TEX19: variants seen among roughly 807,000 people sequenced by gnomAD.
TEX19 encodes the protein testis expressed 19.
For missense variants in TEX19, 184 were observed against 194.4 expected (o/e 0.95, Z 0.32); for synonymous variants, 77 against 73.9 (o/e 1.04, Z -0.21).
At position 82,359,907 on chromosome 17, in the gene TEX19, GTTCCCCCAGT is replaced by G. The variant is rs1256586221; in HGVS notation, c.-272+628_-272+637del. On this transcript the variant is annotated intron_variant, in intron 1 of 1. Transcript: ENST00000333437. ...CTCGGGTTCCCCCAGTTTCCCTCAG[GTTCCCCCAGT>G]TTCCCTCAGTTTCCCTCAAGTTTCC... 8.9e-3 allele frequency among the ~76,000 whole-genome samples: 766 copies of G among 85,782 alleles called. 12 individuals carry two copies. The highest frequency in any genetic ancestry group is 0.03 in the African/African-American group (606 of 20,266). 56.3% of individuals were successfully genotyped at this position (85,782 alleles called of 152,430 possible).
intron 1 of TEX19, among the ~76,000 whole-genome samples, chr17:82,360,161 G>C (rs868050233): frequency 3.4e-5 from 1 of 29,464 alleles, no homozygotes; most frequent in African/African-American, 1.4e-4. Flanking sequence ...TTTCCCTCAG[G>C]TTCCCTCAGT....
chr17:82,362,426 G>C lies in TEX19; in HGVS notation c.276G>C (p.Gln92His). The C allele has an allele frequency of 6.2e-7, 1 of 1,612,910 alleles. No individual in the cohort carries two copies. ...SWGQSPGQPV[Q>H]GGSEAWGPGT... ...GGCAGAGCCCAGGACAGCCTGTGCAGGGGGGCTCTGAGGCATGGGGGCCAG... is the reference window on the plus strand; with the variant it reads ...GGCAGAGCCCAGGACAGCCTGTGCACGGGGGCTCTGAGGCATGGGGGCCAG... The change falls in exon 2 of 2, where the codon CAG becomes CAC. Residue 92 changes from glutamine (Q) to histidine (H), a missense_variant. Physicochemically the swap from Gln to His is conservative, Grantham distance 24. Transcript: ENST00000333437. The surrounding 1 kb of genome is among the most constrained non-coding windows in gnomAD (Gnocchi z 5.5).
chr17:82,360,127 C>G, intron 1 of TEX19, among the ~76,000 whole-genome samples: 1 of 71,820 alleles, frequency 1.4e-5, no homozygotes, highest in Non-Finnish European at 2.8e-5. Flanking sequence ...CAGTTTCCCT[C>G]AAGTTTCCCT....
At position 82,362,065 on chromosome 17, in the gene TEX19, C is replaced by CCGCCCAGACG. The variant is rs2052399037; in HGVS notation, c.-85_-84insGCCCAGACGC. 6.6e-7 allele frequency: 1 copy of CCGCCCAGACG among 1,506,286 alleles called. No individual in the cohort carries two copies. The highest frequency in any genetic ancestry group is 1.4e-5 in the African/African-American group (1 of 72,138). The allele number at this position is 1,506,286 out of a possible 1,614,324, so 93.3% of individuals were successfully genotyped here. A position where few individuals can be genotyped will look rare whatever the true frequency, so the allele number is the denominator to read the frequency against. ...TCCCTGCCGCCCAGCATCCTACTGG[C>CCGCCCAGACG]CTCAGCACCTGTGGCCAGACCGTCC... On this transcript the variant is annotated 5_prime_UTR_variant, in exon 2 of 2. Transcript: ENST00000333437. This position sits in a 1 kb window ranked among gnomAD's most constrained non-coding sequence, Gnocchi z 5.5.
chr17:82,362,856 G>A lies in TEX19; in HGVS notation c.*211G>A. The stretch of plus-strand genomic sequence containing the variant: ...AGGGCAGCACTGGAAATTGCTGCTG[G>A]AGCCTGGTGAAGTGTGGGTGGTGAG... On this transcript the variant is annotated 3_prime_UTR_variant, in exon 2 of 2. Coordinates refer to ENST00000333437, the MANE Select transcript of TEX19 (RefSeq NM_207459.4). The surrounding 1 kb of genome is among the most constrained non-coding windows in gnomAD (Gnocchi z 5.5). The A allele has an allele frequency of 1.7e-6, 1 of 571,782 alleles. No homozygotes were observed. The highest frequency in any genetic ancestry group is 3.0e-6 in the Non-Finnish European group (1 of 337,628). 35.4% of individuals were successfully genotyped at this position (571,782 alleles called of 1,614,324 possible). A position where few individuals can be genotyped will look rare whatever the true frequency, so the allele number is the denominator to read the frequency against.
Position 82,363,025 on chromosome 17 carries a change from T to C in TEX19, c.*380T>C, listed in dbSNP as rs753985136. ...ATTCACCATAGTCTCTTATTCACCCTGGACCAACAGGGAGAGCAAGAAGGG... is the reference window on the plus strand; with the variant it reads ...ATTCACCATAGTCTCTTATTCACCCCGGACCAACAGGGAGAGCAAGAAGGG... On this transcript the variant is annotated 3_prime_UTR_variant, in exon 2 of 2. Coordinates refer to ENST00000333437, the MANE Select transcript of TEX19 (RefSeq NM_207459.4). The C allele has an allele frequency of 1.4e-4, 25 of 183,630 alleles. No homozygotes were observed. Among genetic ancestry groups the C allele is most frequent in the Non-Finnish European group, 2.6e-4 (21 of 79,278 alleles). 11.4% of individuals were successfully genotyped at this position (183,630 alleles called of 1,614,324 possible). A position where few individuals can be genotyped will look rare whatever the true frequency, so the allele number is the denominator to read the frequency against.
In TEX19 at chr17:82,362,553, G is replaced by A. The variant is rs200970555; in HGVS notation, c.403G>A (p.Gly135Ser). The A allele has an allele frequency of 6.8e-5, 109 of 1,611,898 alleles. No homozygotes were observed. Among genetic ancestry groups the A allele is most frequent in the Non-Finnish European group, 8.9e-5 (105 of 1,179,492 alleles). Residue 135 changes from glycine to serine, a missense_variant, in exon 2 of 2, where the codon GGC becomes AGC. Gly to Ser is a moderately conservative substitution (Grantham distance 56, BLOSUM62 0). Transcript: ENST00000333437. This position sits in a 1 kb window ranked among gnomAD's most constrained non-coding sequence, Gnocchi z 5.5. ...WPQEAVPLGL[G>S]LEDADWTQGL... ...TCAGGAGGCTGTGCCCCTGGGCCTG[G>A]GCCTTGAGGATGCTGACTGGACCCA...
chr17:82,359,856 G>T (rs1331384129), intron 1 of TEX19, among the ~76,000 whole-genome samples: 6 of 90,168 alleles, frequency 6.7e-5, no homozygotes, highest in Non-Finnish European at 8.6e-5. Flanking sequence ...TTCCCCTCAG[G>T]TTCCCCCAGT....
At chr17:82,360,679 C>T (rs2052380413) in intron 1 of TEX19, among the ~76,000 whole-genome samples, 1 of 138,114 alleles carries the variant, frequency 7.2e-6, no homozygotes, top group Admixed American at 7.1e-5. Flanking sequence ...CCTCAAGTTT[C>T]CCTCAGGTTC....
rs1238536426 is a variant in TEX19 at position 82,362,335 on chromosome 17, A to G, written c.185A>G (p.Glu62Gly). Residue 62 changes from glutamate to glycine, a missense_variant, in exon 2 of 2, where the codon GAG (glutamate) becomes GGG (glycine). By Grantham distance (98) the Glu-to-Gly change is moderately conservative. Transcript: ENST00000333437. This position sits in a 1 kb window ranked among gnomAD's most constrained non-coding sequence, Gnocchi z 5.5. ...TGGGAAGAAGACAACTGGGACCCTG[A>G]GCTGATGGAGCACACTGAGGCAGAG... ...EDWEEDNWDP[E>G]LMEHTEAESE... The G allele has an allele frequency of 1.2e-6, 2 of 1,613,804 alleles. No homozygotes were observed. Among genetic ancestry groups the G allele is most frequent in the South Asian group, 1.1e-5 (1 of 91,086 alleles).
rs1242367088 is a variant in TEX19 at position 82,361,743 on chromosome 17, C to T, written c.-271-137C>T. 21 of 1,025,504 alleles carry T rather than the reference C, an allele frequency of 2.0e-5. 1 individual carries two copies. In the Admixed American group the frequency reaches 7.6e-4, roughly 37 times the overall value. 63.5% of individuals were successfully genotyped at this position (1,025,504 alleles called of 1,614,324 possible). On this transcript the variant is annotated intron_variant, in intron 1 of 1. Coordinates refer to ENST00000333437, the MANE Select transcript of TEX19 (RefSeq NM_207459.4). ...GGAGGAACTGAAGGCCTCCCAGCCC[C>T]GGTGCTGTTCAAACTGAGCAGGGTC...
At position 82,362,566 on chromosome 17, in the gene TEX19, C is replaced by T. The variant is rs142370714; in HGVS notation, c.416C>T (p.Ala139Val). 192 of 1,608,800 alleles carry T rather than the reference C, an allele frequency of 1.2e-4. No homozygotes were observed. Among genetic ancestry groups the T allele is most frequent in the Non-Finnish European group, 1.6e-4 (187 of 1,178,456 alleles). ...CCCCTGGGCCTGGGCCTTGAGGATG[C>T]TGACTGGACCCAGGGTCTTCCCTGG... ...AVPLGLGLED[A>V]DWTQGLPWRF... The change falls in exon 2 of 2, where the codon GCT becomes GTT. Residue 139 changes from alanine to valine, a missense_variant. Transcript: ENST00000333437. This position sits in a 1 kb window ranked among gnomAD's most constrained non-coding sequence, Gnocchi z 5.5.
In TEX19 at chr17:82,362,168, C is replaced by T; in HGVS notation, c.18C>T (p.Ser6=). 6.2e-7 allele frequency: 1 copy of T among 1,610,216 alleles called. No individual in the cohort carries two copies. Among genetic ancestry groups the T allele is most frequent in the Non-Finnish European group, 8.5e-7 (1 of 1,178,524 alleles). ...GCCTGGCCATGTGCCCTCCGGTCAG[C>T]ATGCGGTATGAGGAAGAGGGCATGT... is the stretch of plus-strand genomic sequence containing the variant. MCPPV[S]MRYEEEGMSY... The change falls in exon 2 of 2, where the codon AGC becomes AGT. Residue 6 remains serine (S), a synonymous_variant. Transcript: ENST00000333437. The surrounding 1 kb of genome is among the most constrained non-coding windows in gnomAD (Gnocchi z 5.5).
chr17:82,362,056 T>C lies in TEX19; in HGVS notation c.-95T>C. 2 of 1,472,314 alleles carry C rather than the reference T, an allele frequency of 1.4e-6. No individual in the cohort carries two copies. The highest frequency in any genetic ancestry group is 2.7e-5 in the South Asian group (2 of 74,594). The allele number at this position is 1,472,314 out of a possible 1,614,324, so 91.2% of individuals were successfully genotyped here. The stretch of plus-strand genomic sequence containing the variant: ...TCCCCTTCATCCCTGCCGCCCAGCA[T>C]CCTACTGGCCTCAGCACCTGTGGCC... On this transcript the variant is annotated 5_prime_UTR_variant, in exon 2 of 2. Transcript: ENST00000333437. This position sits in a 1 kb window ranked among gnomAD's most constrained non-coding sequence, Gnocchi z 5.5.
Position 82,363,162 on chromosome 17 carries a change from G to A in TEX19, c.*517G>A, listed in dbSNP as rs1046379227. 6 of 167,568 alleles carry A rather than the reference G, an allele frequency of 3.6e-5. No individual in the cohort carries two copies. Among genetic ancestry groups the A allele is most frequent in the African/African-American group, 1.4e-4 (6 of 41,586 alleles). 10.4% of individuals were successfully genotyped at this position (167,568 alleles called of 1,614,324 possible). On this transcript the variant is annotated 3_prime_UTR_variant, in exon 2 of 2. Transcript: ENST00000333437. ...TGGCTGTTGCAGGAGCCTCGGCCATGGGGGAGCTGCCCTGTTTCCAGCCTC... is the reference window on the plus strand; with the variant it reads ...TGGCTGTTGCAGGAGCCTCGGCCATAGGGGAGCTGCCCTGTTTCCAGCCTC...
At chr17:82,360,841 C>T in intron 1 of TEX19, among the ~76,000 whole-genome samples, 1 of 138,468 alleles carries the variant, frequency 7.2e-6, no homozygotes, top group African/African-American at 2.7e-5. Flanking sequence ...CCCTCAGTTT[C>T]CCCCAGTTTC....
At position 82,362,378 on chromosome 17, in the gene TEX19, C is replaced by G. The variant is rs762229423; in HGVS notation, c.228C>G (p.Ser76=). Residue 76 remains serine, a synonymous_variant, in exon 2 of 2, where the codon TCC becomes TCG. Coordinates refer to ENST00000333437, the MANE Select transcript of TEX19 (RefSeq NM_207459.4). This position sits in a 1 kb window ranked among gnomAD's most constrained non-coding sequence, Gnocchi z 5.5. ...AGGCAGAGTCAGAGCAGGAGGGGTC[C>G]TCAGGGATGGAGCTGAGCTGGGGGC... is the stretch of plus-strand genomic sequence containing the variant. ...HTEAESEQEG[S]SGMELSWGQS... The G allele has an allele frequency of 1.9e-6, 3 of 1,613,444 alleles. No individual in the cohort carries two copies. The highest frequency in any genetic ancestry group is 2.5e-6 in the Non-Finnish European group (3 of 1,180,016).
Position 82,362,296 on chromosome 17 carries a change from T to G in TEX19, c.146T>G (p.Leu49Arg). Reference protein sequence around the residue: ...KAAFLDFKDLLESEDWEEDNW... With the variant: ...KAAFLDFKDLRESEDWEEDNW... Reference sequence around the variant, plus strand: ...GCCTTTCTAGACTTTAAAGACTTGCTGGAGTCAGAGGACTGGGAAGAAGAC... The same window carrying G: ...GCCTTTCTAGACTTTAAAGACTTGCGGGAGTCAGAGGACTGGGAAGAAGAC... Residue 49 changes from leucine (L) to arginine (R), a missense_variant, in exon 2 of 2, where the codon CTG becomes CGG. Coordinates refer to ENST00000333437, the MANE Select transcript of TEX19 (RefSeq NM_207459.4). The surrounding 1 kb of genome is among the most constrained non-coding windows in gnomAD (Gnocchi z 5.5). The G allele has an allele frequency of 6.2e-7, 1 of 1,614,042 alleles. No homozygotes were observed. Among genetic ancestry groups the G allele is most frequent in the Non-Finnish European group, 8.5e-7 (1 of 1,180,020 alleles).
rs1382029124 is a variant in TEX19, at chr17:82,363,360, T to C, written c.*715T>C. On this transcript the variant is annotated 3_prime_UTR_variant, in exon 2 of 2. Coordinates refer to ENST00000333437, the MANE Select transcript of TEX19 (RefSeq NM_207459.4). ...TTTAGGGGCTGGGAGATAGGGCCTG[T>C]TGTGGCCTCAGAGGGAAGCATTACA... 1 of 167,004 alleles carries C rather than the reference T, an allele frequency of 6.0e-6. No individual in the cohort carries two copies. The highest frequency in any genetic ancestry group is 6.5e-5 in the Admixed American group (1 of 15,286). The allele number at this position is 167,004 out of a possible 1,614,324, so 10.3% of individuals were successfully genotyped here. A position where few individuals can be genotyped will look rare whatever the true frequency, so the allele number is the denominator to read the frequency against.
Sources: gnomAD v4.1 joint callset for allele counts (sites outside exome capture counted in the v4.1 genomes callset) on GRCh38, gnomAD v4.1.1 for gene constraint, Gnocchi (gnomAD v3.1) non-coding constraint, MANE v1.5 for transcripts, NCBI Gene and HGNC (gene_info 2026-07-23, HGNC 2026-07-21) for gene names.